The following EXOC6B variants were observed in gnomAD, a reference collection of about 807,000 sequenced individuals.
The protein encoded by EXOC6B is exocyst complex component 6B.
EXOC6B carries 54 observed loss-of-function variants against 113.5 expected under a neutral mutation model. The observed-to-expected ratio is 0.48, with a 90% CI of 0.38 to 0.60. The LOEUF (loss-of-function observed/expected upper bound fraction) is 0.60, where lower values mean the gene tolerates loss of function less well. EXOC6B is among the 20% of genes least tolerant of loss of function. The pLI is 0.00. For missense variants in EXOC6B, 797 were observed against 977.5 expected (o/e 0.82, Z 2.46); for synonymous variants, 357 against 339.0 (o/e 1.05, Z -0.58).
In EXOC6B at chr2:72,603,119, T is replaced by G. The variant is rs146453888; in HGVS notation, c.670-27451A>C. Among the ~76,000 whole-genome samples, 216 of 151,570 alleles carry G rather than the reference T, an allele frequency of 1.4e-3. 1 individual carries two copies. In the East Asian group the frequency reaches 0.035, roughly 24 times the overall value. Reference sequence around the variant, plus strand: ...TTTTTTTTTTTAAGAGCACTTTCTTTACCACCAGGGAATATCAATGGCCTT... The same window carrying G: ...TTTTTTTTTTTAAGAGCACTTTCTTGACCACCAGGGAATATCAATGGCCTT... On this transcript the variant is annotated intron_variant, in intron 6 of 21. Coordinates refer to ENST00000272427, the MANE Select transcript of EXOC6B (RefSeq NM_015189.3).
chr2:72,631,449 TATATATATATATAGAGAGAGAGAGAGAG>T (rs1558862303), intron 6 of EXOC6B, among the ~76,000 whole-genome samples: 28 of 58,200 alleles, frequency 4.8e-4, no homozygotes, highest in South Asian at 7.0e-4. Context: ...TATATATATA[TATATATATATATAGAGAGAGAGAGAGAG>T]AGAGAGAGAG....
At chr2:72,357,226 T>A (rs1422709347) in intron 19 of EXOC6B, among the ~76,000 whole-genome samples, 2 of 152,238 alleles carry the variant, frequency 1.3e-5, no homozygotes, top group Non-Finnish European at 2.9e-5. Context: ...ATTGTTATAA[T>A]TGTTCTATTT....
chr2:72,187,046 C>A (rs1678483647), intron 20 of EXOC6B, among the ~76,000 whole-genome samples: 1 of 152,148 alleles, frequency 6.6e-6, no homozygotes, highest in Non-Finnish European at 1.5e-5. Flanking sequence ...AGTCCGGCCA[C>A]TGAACAGTCA....
intron 18 of EXOC6B, among the ~76,000 whole-genome samples, chr2:72,457,401 T>C (rs1697304628): frequency 6.6e-6 from 1 of 152,120 alleles, no homozygotes; most frequent in Non-Finnish European, 1.5e-5. Flanking sequence ...AGGCCAGGGA[T>C]AGGTATCATT....
intron 18 of EXOC6B, among the ~76,000 whole-genome samples, chr2:72,456,680 T>C (rs1317929257): frequency 6.6e-6 from 1 of 152,114 alleles, no homozygotes; most frequent in Non-Finnish European, 1.5e-5. Context: ...AATAATAATA[T>C]TAATACTTAT....
chr2:72,721,364 T>TAAAAAAAAAAAAAAAAAAAAAAAAAAGA (rs11408155), intron 5 of EXOC6B, among the ~76,000 whole-genome samples: 1 of 28,502 alleles, frequency 3.5e-5, no homozygotes, highest in African/African-American at 2.3e-4. Flanking sequence ...GTTGTTTTTG[T>TAAAAAAAAAAAAAAAAAAAAAAAAAAGA]AAAAAAAAAA....
rs375284555 is a variant in EXOC6B at position 72,334,977 on chromosome 2, C to G, written c.2166G>C (p.Thr722=). Residue 722 remains threonine (T), a synonymous_variant, in exon 20 of 22, where the codon ACG becomes ACC. Transcript: ENST00000272427. ...SGPVPGFQED[T]LQLAFIDLRQ... ...TCAAGTCGATGAAGGCCAACTGCAG[C>G]GTGTCCTCCTGGAACCCAGGCACCG... 3.1e-6 allele frequency: 5 copies of G among 1,613,400 alleles called. No homozygotes were observed. The highest frequency in any genetic ancestry group is 4.5e-5 in the East Asian group (2 of 44,856).
intron 6 of EXOC6B, among the ~76,000 whole-genome samples, chr2:72,676,605 G>A (rs7576726): frequency 0.063 from 9,518 of 152,200 alleles, 713 homozygotes; most frequent in African/African-American, 0.18. Context: ...ATTTCCAGCT[G>A]TATGATCTGG....
At chr2:72,212,857 T>C (rs142715383) in intron 20 of EXOC6B, among the ~76,000 whole-genome samples, 104 of 152,320 alleles carry the variant, frequency 6.8e-4, no homozygotes, top group Non-Finnish European at 1.1e-3. Flanking sequence ...TTAAGTGGTG[T>C]AGTAGAGTGT....
chr2:72,644,938 A>AT (rs1673578998), intron 6 of EXOC6B, among the ~76,000 whole-genome samples: 6 of 152,192 alleles, frequency 3.9e-5, no homozygotes, highest in Admixed American at 3.9e-4. Flanking sequence ...ACACATAACA[A>AT]TATTAACCTT....
intron 1 of EXOC6B, among the ~76,000 whole-genome samples, chr2:72,779,903 G>A (rs1683925789): frequency 6.6e-6 from 1 of 152,200 alleles, no homozygotes; most frequent in African/African-American, 2.4e-5. Context: ...AGACAACGGA[G>A]GGAGAGAAGA....
chr2:72,785,902 A>T (rs998609844), intron 1 of EXOC6B, among the ~76,000 whole-genome samples: 16 of 152,178 alleles, frequency 1.1e-4, no homozygotes, highest in African/African-American at 3.4e-4. Flanking sequence ...CAAATTTTCC[A>T]AACTTTTATG....
intron 11 of EXOC6B, among the ~76,000 whole-genome samples, chr2:72,509,116 T>C (rs1297191594): frequency 6.6e-6 from 1 of 152,092 alleles, no homozygotes; most frequent in Non-Finnish European, 1.5e-5. Flanking sequence ...GGGATTGTTC[T>C]CCTTATAAAA....
rs1558833584 is a variant in EXOC6B, at chr2:72,601,169, T to TGC, written c.670-25502_670-25501insGC. ...GTGTGTGTGTGTGTGTGTGTGTGTGTGTGTGTGTATATCTTTTTTTCTTTT... is the reference window on the plus strand; with the variant it reads ...GTGTGTGTGTGTGTGTGTGTGTGTGTGCGTGTGTGTATATCTTTTTTTCTTTT... On this transcript the variant is annotated intron_variant, in intron 6 of 21. Transcript: ENST00000272427. Among the ~76,000 whole-genome samples the TGC allele has an allele frequency of 1.2e-3, 173 of 148,470 alleles. 4 individuals are homozygous for TGC. The highest frequency in any genetic ancestry group is 3.1e-3 in the African/African-American group (125 of 40,078).
intron 19 of EXOC6B, 131 bp from the exon 20 acceptor site, chr2:72,335,151 C>T (rs1403730348): frequency 3.0e-5 from 22 of 726,514 alleles, no homozygotes; most frequent in Non-Finnish European, 5.0e-5. Flanking sequence ...TCATGTCTCT[C>T]TCCCTTCAGC....
At chr2:72,353,355 T>C (rs1295147945) in intron 19 of EXOC6B, among the ~76,000 whole-genome samples, 2 of 151,042 alleles carry the variant, frequency 1.3e-5, no homozygotes, top group South Asian at 4.1e-4. Context: ...TTTTGTTGTA[T>C]TGTATTGTAT....
rs564488743 is a variant in EXOC6B, at chr2:72,348,970, C to T, written c.2123-13950G>A. On this transcript the variant is annotated intron_variant, in intron 19 of 21. Transcript: ENST00000272427. ...GATGATGTTTCTCTCATATATATTT[C>T]ATATATGGTCTTACAATCTGCTAGC... 5.3e-5 allele frequency among the ~76,000 whole-genome samples: 8 copies of T among 152,166 alleles called. No individual in the cohort carries two copies. The East Asian group carries it at 1.4e-3, about 26-fold the overall frequency.
chr2:72,752,339 T>C (rs1192843142), intron 1 of EXOC6B, among the ~76,000 whole-genome samples: 1 of 152,138 alleles, frequency 6.6e-6, no homozygotes, highest in African/African-American at 2.4e-5. Flanking sequence ...TAATCCTATG[T>C]TCTAAAAATC....
chr2:72,232,754 T>C (rs1681705971), intron 20 of EXOC6B, among the ~76,000 whole-genome samples: 1 of 152,168 alleles, frequency 6.6e-6, no homozygotes, highest in Non-Finnish European at 1.5e-5. Context: ...AAAATGTCCA[T>C]AAGAAATATG....
Sources: allele counts gnomAD v4.1 joint callset (sites outside exome capture counted in the v4.1 genomes callset), GRCh38; gene constraint gnomAD v4.1.1; transcripts MANE v1.5; gene names NCBI Gene and HGNC (gene_info 2026-07-23, HGNC 2026-07-21).